The following MGST1 variants were observed in gnomAD, a reference collection of about 807,000 sequenced individuals.
MGST1 encodes glutathione S-transferase 12.
Under a neutral mutation model 8.9 loss-of-function variants are expected in MGST1, and 5 were observed. The observed-to-expected ratio is 0.56, with a 90% CI of 0.29 to 1.19. MGST1 has a LOEUF of 1.19. Ranked by LOEUF, MGST1 falls within the 50% of genes most tolerant of loss-of-function variation. MGST1 has a pLI of 0.08. For missense variants in MGST1, 182 were observed against 187.4 expected (o/e 0.97, Z 0.17); for synonymous variants, 54 against 67.8 (o/e 0.80, Z 1.00).
intron 4 of MGST1, among the ~76,000 whole-genome samples, chr12:16,483,209 A>G (rs560305781): frequency 6.6e-6 from 1 of 152,262 alleles, no homozygotes; most frequent in African/African-American, 2.4e-5. Context: ...AATATTCATT[A>G]AGAGATTTTT....
intron 4 of MGST1, among the ~76,000 whole-genome samples, chr12:16,565,521 T>C (rs559992276): frequency 1.3e-5 from 2 of 152,172 alleles, no homozygotes; most frequent in African/African-American, 4.8e-5. Flanking sequence ...TCCACTGTCA[T>C]AGAGATAAAT....
intron 1 of MGST1, among the ~76,000 whole-genome samples, chr12:16,426,186 A>G (rs1391822469): frequency 6.6e-6 from 1 of 152,168 alleles, no homozygotes; most frequent in East Asian, 1.9e-4. Context: ...TGTTTGCTTT[A>G]CAATCTTCAT....
chr12:16,486,767 T>G (rs1941401244), intron 4 of MGST1, among the ~76,000 whole-genome samples: 1 of 152,156 alleles, frequency 6.6e-6, no homozygotes, highest in Non-Finnish European at 1.5e-5. Context: ...CACTAGCCAA[T>G]CATGTCACGT....
intron 4 of MGST1, among the ~76,000 whole-genome samples, chr12:16,490,919 A>G (rs1269395800): frequency 6.6e-6 from 1 of 152,186 alleles, no homozygotes; most frequent in Non-Finnish European, 1.5e-5. Context: ...CAAGATCTGA[A>G]TTACTCAAAT....
intron 4 of MGST1, among the ~76,000 whole-genome samples, chr12:16,471,920 TACACACACACACAC>T (rs10628214): frequency 2.7e-5 from 4 of 148,920 alleles, no homozygotes; most frequent in African/African-American, 9.9e-5. Flanking sequence ...TACACACACA[TACACACACACACAC>T]ACACACAGAC....
intron 4 of MGST1, among the ~76,000 whole-genome samples, chr12:16,490,231 C>T (rs1274855391): frequency 1.3e-5 from 2 of 152,192 alleles, no homozygotes; most frequent in East Asian, 3.8e-4. Context: ...CCCCTGCACT[C>T]CAGCCTGGGC....
chr12:16,446,375 C>T (rs1941079636), intron 4 of MGST1, among the ~76,000 whole-genome samples: 1 of 151,932 alleles, frequency 6.6e-6, no homozygotes, highest in Non-Finnish European at 1.5e-5. Flanking sequence ...TCTGAAACCT[C>T]ACTCAGGTCC....
Position 16,548,222 on chromosome 12 carries a change from T to C in MGST1, n.483-41306T>C, listed in dbSNP as rs1406062217. ...TAGCGCAGAGATCCTAAACATTACA[T>C]TCAGAGAAACATTTGGGGTGCTTTG... On this transcript the variant is annotated intron_variant and non_coding_transcript_variant, in intron 4 of 4. Transcript: ENST00000538857. The surrounding 1 kb of genome is among the most constrained non-coding windows in gnomAD (Gnocchi z 4.2). 6.6e-6 allele frequency among the ~76,000 whole-genome samples: 1 copy of C among 152,130 alleles called. No homozygotes were observed. The highest frequency in any genetic ancestry group is 2.4e-5 in the African/African-American group (1 of 41,438).
Position 16,401,481 on chromosome 12 carries a change from C to T in MGST1, n.778+17877C>T. ...ATATCTTCACACCATGTCTTAATTC[C>T]TTCAGCAGCTCTTCTTGAAGCTGGA... On this transcript the variant is annotated intron_variant and non_coding_transcript_variant, in intron 1 of 1. Coordinates refer to the MGST1 transcript ENST00000359720. This position sits in a 1 kb window ranked among gnomAD's most constrained non-coding sequence, Gnocchi z 4.3. 1.2e-6 allele frequency: 1 copy of T among 836,632 alleles called. No homozygotes were observed. The highest frequency in any genetic ancestry group is 2.1e-6 in the Non-Finnish European group (1 of 485,328). The allele number at this position is 836,632 out of a possible 1,614,324, so 51.8% of individuals were successfully genotyped here.
chr12:16,387,926 C>T (rs529614630), intron 1 of MGST1, among the ~76,000 whole-genome samples: 5 of 151,684 alleles, frequency 3.3e-5, no homozygotes, highest in South Asian at 2.1e-4. Flanking sequence ...TAACATGCTA[C>T]GTAGATTTGT....
intron 1 of MGST1, among the ~76,000 whole-genome samples, chr12:16,390,160 TGGG>T (rs1245428913): frequency 6.6e-6 from 1 of 151,744 alleles, no homozygotes; most frequent in African/African-American, 2.4e-5. Flanking sequence ...ACAGGTTTTA[TGGG>T]GCCTAAACCT....
chr12:16,564,052 T>C (rs1181765950), intron 4 of MGST1, among the ~76,000 whole-genome samples: 1 of 152,172 alleles, frequency 6.6e-6, no homozygotes, highest in East Asian at 1.9e-4. Context: ...GGCCATACAA[T>C]ATCAGTGCAT....
At chr12:16,566,039 T>TATATATATATATAA (rs1565488437) in intron 4 of MGST1, among the ~76,000 whole-genome samples, 1 of 86,506 alleles carries the variant, frequency 1.2e-5, no homozygotes, top group Non-Finnish European at 2.3e-5. Context: ...TATATATATA[T>TATATATATATATAA]AAAATGGAGT....
Position 16,392,871 on chromosome 12 carries a change from T to C in MGST1, n.778+9267T>C, listed in dbSNP as rs1940566407. On this transcript the variant is annotated intron_variant and non_coding_transcript_variant, in intron 1 of 1. Transcript: ENST00000359720. ...TATATATAACTGTCTATATCTATTA[T>C]ATAATTACTTGTATCTGTATCTATC... 3.3e-5 allele frequency among the ~76,000 whole-genome samples: 5 copies of C among 152,188 alleles called. No homozygotes were observed. The South Asian group carries it at 1.0e-3, about 32-fold the overall frequency.
chr12:16,387,878 AC>A (rs369964396), intron 1 of MGST1, among the ~76,000 whole-genome samples: 114 of 152,066 alleles, frequency 7.5e-4, no homozygotes, highest in African/African-American at 2.7e-3. Flanking sequence ...ACAAATACTT[AC>A]CATTGCACTA....
At chr12:16,472,646 T>A (rs1462310473) in intron 4 of MGST1, among the ~76,000 whole-genome samples, 1 of 152,214 alleles carries the variant, frequency 6.6e-6, no homozygotes, top group African/African-American at 2.4e-5. Context: ...TTCGGAGATA[T>A]CTTTTCAGTA....
chr12:16,487,180 C>T (rs1169623030), intron 4 of MGST1, among the ~76,000 whole-genome samples: 4 of 152,194 alleles, frequency 2.6e-5, no homozygotes, highest in South Asian at 2.1e-4. Flanking sequence ...TCCAGAATAA[C>T]ATTTGTGTGT....
intron 4 of MGST1, among the ~76,000 whole-genome samples, chr12:16,543,932 C>T (rs1028150971): frequency 1.3e-5 from 2 of 152,052 alleles, no homozygotes; most frequent in Non-Finnish European, 2.9e-5. Context: ...AAGTCATCAT[C>T]TCAGCTGTTG....
At chr12:16,411,979 C>T (rs1940746104) in intron 1 of MGST1, among the ~76,000 whole-genome samples, 1 of 152,030 alleles carries the variant, frequency 6.6e-6, no homozygotes, top group African/African-American at 2.4e-5. Flanking sequence ...GTAAGGATAA[C>T]AAGAGTTAGC....
Sources: gnomAD v4.1 joint callset for allele counts (sites outside exome capture counted in the v4.1 genomes callset) on GRCh38, gnomAD v4.1.1 for gene constraint, Gnocchi (gnomAD v3.1) non-coding constraint, MANE v1.5 for transcripts, NCBI Gene and HGNC (gene_info 2026-07-23, HGNC 2026-07-21) for gene names.